The following FAM135B variants were observed in gnomAD, a reference collection of about 807,000 sequenced individuals.
FAM135B encodes the protein protein FAM135B.
FAM135B carries 43 observed loss-of-function variants against 127.7 expected under a neutral mutation model. The observed-to-expected ratio is 0.34, with a 90% CI of 0.26 to 0.43. FAM135B has a LOEUF of 0.43. Among genes scored for constraint, FAM135B ranks in the 20% least tolerant of loss-of-function variants. The pLI is 1.00. For synonymous variants in FAM135B, 670 were observed against 665.1 expected (o/e 1.01, Z -0.11); for missense variants, 1,558 against 1,725.6 (o/e 0.90, Z 1.72).
intron 4 of FAM135B, 143 bp downstream of exon 4, chr8:138,265,560 G>C (rs1482096565): frequency 1.2e-6 from 1 of 823,156 alleles, no homozygotes; most frequent in African/African-American, 1.7e-5. Flanking sequence ...ATAAATAAGT[G>C]CATGAGTGCA....
intron 1 of FAM135B, chr8:138,458,994 A>C (rs1205005513): frequency 6.6e-6 from 1 of 152,290 alleles, no homozygotes; most frequent in Admixed American, 6.5e-5. Context: ...CTACACAGGC[A>C]AGCCCAGGGA....
chr8:138,335,313 C>T (rs1027808561), intron 2 of FAM135B, among the ~76,000 whole-genome samples: 4 of 152,140 alleles, frequency 2.6e-5, no homozygotes, highest in Non-Finnish European at 5.9e-5. Context: ...ATTCTTCTCG[C>T]CCAGCACCCT....
At position 138,245,897 on chromosome 8, in the gene FAM135B, G is replaced by T. The variant is rs547712206; in HGVS notation, c.543-2829C>A. On this transcript the variant is annotated intron_variant, in intron 6 of 19. Coordinates refer to ENST00000395297, the MANE Select transcript of FAM135B (RefSeq NM_015912.4). ...GAACTTTCTAGAGACGTGTTGAATG[G>T]TTTTAACCAAATTGCTGATAGTGAT... Among the ~76,000 whole-genome samples, 28 of 152,244 alleles carry T rather than the reference G, an allele frequency of 1.8e-4. No homozygotes were observed. In the South Asian group the frequency reaches 5.4e-3, roughly 29 times the overall value.
intron 2 of FAM135B, among the ~76,000 whole-genome samples, chr8:138,326,997 G>A (rs988533998): frequency 6.6e-6 from 1 of 152,080 alleles, no homozygotes; most frequent in Non-Finnish European, 1.5e-5. Flanking sequence ...GTCTGTGCTA[G>A]ATCTCATGAC....
At chr8:138,331,264 G>A (rs1265744458) in intron 2 of FAM135B, among the ~76,000 whole-genome samples, 1 of 152,166 alleles carries the variant, frequency 6.6e-6, no homozygotes. Context: ...ATTTGGGTGT[G>A]TATTTCGTCA....
Position 138,138,999 on chromosome 8 carries a change from T to G in FAM135B, c.3888A>C (p.Leu1296=). The G allele has an allele frequency of 6.2e-7, 1 of 1,611,334 alleles. No individual in the cohort carries two copies. The highest frequency in any genetic ancestry group is 1.1e-5 in the South Asian group (1 of 91,016). Residue 1296 remains leucine (L), a synonymous_variant, in exon 18 of 20, where the codon CTA becomes CTC. Coordinates refer to ENST00000395297, the MANE Select transcript of FAM135B (RefSeq NM_015912.4). ...ADLRKCFLYQ[L]SQKTGLQYFK... is the part of the protein sequence containing the mutation. Reference sequence around the variant, plus strand: ...GAAACCACTGACCTGTTTTTTGGCTTAGTTGGTAGAGGAAACATTTGCGCA... The same window carrying G: ...GAAACCACTGACCTGTTTTTTGGCTGAGTTGGTAGAGGAAACATTTGCGCA...
chr8:138,387,767 A>G (rs1459246285), intron 1 of FAM135B, among the ~76,000 whole-genome samples: 2 of 152,132 alleles, frequency 1.3e-5, no homozygotes, highest in Non-Finnish European at 1.5e-5. Context: ...GAGAATAATC[A>G]CAGAATCATG....
chr8:138,385,321 C>T (rs1017838574), intron 1 of FAM135B, among the ~76,000 whole-genome samples: 1 of 152,116 alleles, frequency 6.6e-6, no homozygotes, highest in Non-Finnish European at 1.5e-5. Context: ...ATTTTCATGT[C>T]CTCTCTCAGA....
chr8:138,485,383 G>A (rs148722942), intron 1 of FAM135B, among the ~76,000 whole-genome samples: 71 of 152,196 alleles, frequency 4.7e-4, no homozygotes, highest in Middle Eastern at 3.4e-3. Context: ...GAGTCGCATC[G>A]AGGTTCCTCA....
intron 17 of FAM135B, 105 bp from the exon 18 acceptor site, chr8:138,139,201 T>A: frequency 1.5e-6 from 1 of 683,126 alleles, no homozygotes; most frequent in Non-Finnish European, 2.5e-6. Context: ...TTTAGTTAAC[T>A]TGAAAATAAG....
At chr8:138,430,634 T>G (rs1835144993) in intron 1 of FAM135B, among the ~76,000 whole-genome samples, 1 of 152,204 alleles carries the variant, frequency 6.6e-6, no homozygotes, top group Non-Finnish European at 1.5e-5. Context: ...GGATCACTTC[T>G]TCCACATTCT....
At chr8:138,367,355 A>G (rs937696714) in intron 2 of FAM135B, 10 of 456,026 alleles carry the variant, frequency 2.2e-5, no homozygotes, top group African/African-American at 1.4e-4. Flanking sequence ...AGGTAAGTCT[A>G]TCATGAGGAT....
At chr8:138,298,924 A>C (rs1825665811) in intron 3 of FAM135B, among the ~76,000 whole-genome samples, 1 of 151,908 alleles carries the variant, frequency 6.6e-6, no homozygotes, top group African/African-American at 2.4e-5. Context: ...GAGCCATTTC[A>C]AAAACGGTGC....
intron 1 of FAM135B, among the ~76,000 whole-genome samples, chr8:138,396,283 T>G (rs988584164): frequency 6.6e-6 from 1 of 152,130 alleles, no homozygotes; most frequent in African/African-American, 2.4e-5. Flanking sequence ...GTGGCCAGCG[T>G]GTGGCAGGCT....
intron 7 of FAM135B, among the ~76,000 whole-genome samples, chr8:138,204,806 T>C (rs1181156022): frequency 2.0e-5 from 3 of 152,246 alleles, no homozygotes; most frequent in Non-Finnish European, 4.4e-5. Flanking sequence ...TTCAACATGA[T>C]TCAAACAGAC....
At chr8:138,142,697 G>T (rs367648497) in intron 16 of FAM135B, among the ~76,000 whole-genome samples, 203 of 152,176 alleles carry the variant, frequency 1.3e-3, no homozygotes, top group Middle Eastern at 6.8e-3. Flanking sequence ...TATATATCTG[G>T]TACATGGCAA....
intron 1 of FAM135B, among the ~76,000 whole-genome samples, chr8:138,398,766 A>G (rs959620615): frequency 5.3e-5 from 8 of 152,202 alleles, no homozygotes; most frequent in Admixed American, 2.6e-4. Context: ...TGAAATAGCT[A>G]TTGAGATGTC....
At chr8:138,400,286 C>A (rs1277867614) in intron 1 of FAM135B, among the ~76,000 whole-genome samples, 1 of 152,108 alleles carries the variant, frequency 6.6e-6, no homozygotes, top group Non-Finnish European at 1.5e-5. Context: ...AGATGCAAGG[C>A]AATTGATTCA....
Position 138,242,864 on chromosome 8 carries a change from A to C in FAM135B, c.669+78T>G. 1 of 1,510,484 alleles carries C rather than the reference A, an allele frequency of 6.6e-7. No individual in the cohort carries two copies. The highest frequency in any genetic ancestry group is 8.9e-7 in the Non-Finnish European group (1 of 1,129,466). The allele number at this position is 1,510,484 out of a possible 1,614,324, so 93.6% of individuals were successfully genotyped here. On this transcript the variant is annotated intron_variant, in intron 7 of 19. Coordinates refer to ENST00000395297, the MANE Select transcript of FAM135B (RefSeq NM_015912.4). The surrounding 1 kb of genome is among the most constrained non-coding windows in gnomAD (Gnocchi z 9.6). ...ATCTCTGAAGGGGATGTTTCAAAGA[A>C]GCATGAATCTCATAGAACATACACT...
Sources: allele counts gnomAD v4.1 joint callset (sites outside exome capture counted in the v4.1 genomes callset), GRCh38; gene constraint gnomAD v4.1.1; non-coding constraint Gnocchi (gnomAD v3.1); transcripts MANE v1.5; gene names NCBI Gene and HGNC (gene_info 2026-07-23, HGNC 2026-07-21).